Variants in LRRC7 observed in about 807,000 individuals in gnomAD.
LRRC7 encodes leucine-rich repeat-containing protein 7.
In LRRC7, 23 loss-of-function variants were observed where a neutral mutation model predicts 175.7. The observed-to-expected ratio is 0.13, with a 90% CI of 0.09 to 0.19. The LOEUF is 0.19. Among genes scored for constraint, LRRC7 ranks in the 10% least tolerant of loss-of-function variants. LRRC7 has a pLI of 1.00. For missense variants in LRRC7, 1,354 were observed against 1,904.7 expected (o/e 0.71, Z 5.38); for synonymous variants, 685 against 680.9 (o/e 1.01, Z -0.09).
At chr1:69,787,921 T>G (rs1674673468) in intron 3 of LRRC7, among the ~76,000 whole-genome samples, 1 of 152,024 alleles carries the variant, frequency 6.6e-6, no homozygotes, top group Non-Finnish European at 1.5e-5. Context: ...TTCATTCTTT[T>G]TCTTTTCTTT....
intron 8 of LRRC7, among the ~76,000 whole-genome samples, chr1:69,932,012 T>C (rs976094534): frequency 3.3e-5 from 5 of 152,238 alleles, no homozygotes; most frequent in Admixed American, 2.0e-4. Flanking sequence ...AAGTCACCAA[T>C]GGCATTCTGG....
intron 23 of LRRC7, among the ~76,000 whole-genome samples, chr1:70,057,457 G>A (rs1457721919): frequency 1.3e-5 from 2 of 152,200 alleles, no homozygotes. Context: ...GTCACGGAGT[G>A]AGCAGTTAGG....
chr1:69,845,354 C>A (rs769611096), intron 7 of LRRC7, among the ~76,000 whole-genome samples: 1 of 152,056 alleles, frequency 6.6e-6, no homozygotes, highest in Non-Finnish European at 1.5e-5. Flanking sequence ...TTTTTCCTAA[C>A]CTGAATGGCA....
At chr1:69,652,877 A>C (rs1656064570) in intron 1 of LRRC7, among the ~76,000 whole-genome samples, 1 of 152,128 alleles carries the variant, frequency 6.6e-6, no homozygotes, top group Admixed American at 6.6e-5. Flanking sequence ...AAGACTATTC[A>C]ATGGGGAAAG....
At chr1:69,730,052 C>T (rs1667400121) in intron 2 of LRRC7, among the ~76,000 whole-genome samples, 1 of 152,194 alleles carries the variant, frequency 6.6e-6, no homozygotes, top group African/African-American at 2.4e-5. Flanking sequence ...GTACCTTGGC[C>T]CCATTTAGCC....
rs1570787516 is a variant in LRRC7, at chr1:69,953,853, G to C, written c.711+22283G>C. On this transcript the variant is annotated intron_variant, in intron 8 of 26. Transcript: ENST00000651989. Reference sequence around the variant, plus strand: ...ACACTTGTAGAAATTCTGTTTCAGTGAGTTTGGTGCAGAGCTCAGGAACCT... The same window carrying C: ...ACACTTGTAGAAATTCTGTTTCAGTCAGTTTGGTGCAGAGCTCAGGAACCT... Among the ~76,000 whole-genome samples, 4 of 152,148 alleles carry C rather than the reference G, an allele frequency of 2.6e-5. No homozygotes were observed. In the South Asian group the frequency reaches 6.2e-4, roughly 24 times the overall value.
intron 2 of LRRC7, among the ~76,000 whole-genome samples, chr1:69,717,932 G>GAAGAA (rs1665753657): frequency 1.8e-4 from 2 of 11,418 alleles, no homozygotes; most frequent in Non-Finnish European, 4.4e-4. Flanking sequence ...AAAAAGAAAA[G>GAAGAA]AAAGAAAGAA....
intron 1 of LRRC7, among the ~76,000 whole-genome samples, chr1:69,655,743 T>G (rs548912884): frequency 5.3e-5 from 8 of 152,166 alleles, no homozygotes; most frequent in Non-Finnish European, 1.2e-4. Context: ...TGCAAGAAAT[T>G]TTATGGTTTG....
At chr1:70,051,508 T>C (rs602495) in intron 22 of LRRC7, among the ~76,000 whole-genome samples, 147,823 of 152,094 alleles carry the variant, frequency 0.97, 71,905 homozygotes, top group East Asian at 1. Flanking sequence ...ACTAGAAAAG[T>C]GATGCTGGAA....
intron 12 of LRRC7, 115 bp downstream of exon 12, chr1:70,012,041 G>C (rs1656560369): frequency 1.7e-6 from 1 of 598,120 alleles, no homozygotes; most frequent in Non-Finnish European, 2.8e-6. Flanking sequence ...AATATATATA[G>C]GAATTATCTA....
intron 1 of LRRC7, among the ~76,000 whole-genome samples, chr1:69,613,127 G>A (rs1649057781): frequency 6.6e-6 from 1 of 152,086 alleles, no homozygotes; most frequent in Admixed American, 6.6e-5. Flanking sequence ...AGACTATATG[G>A]CGTAGACAGC....
chr1:69,627,677 A>G (rs2100355680), intron 1 of LRRC7, among the ~76,000 whole-genome samples: 1 of 152,190 alleles, frequency 6.6e-6, no homozygotes, highest in East Asian at 1.9e-4. Flanking sequence ...GGTATTGCCT[A>G]GGTTTTCTTC....
chr1:69,750,461 A>G (rs1436745128), intron 2 of LRRC7, among the ~76,000 whole-genome samples: 1 of 152,214 alleles, frequency 6.6e-6, no homozygotes, highest in Admixed American at 6.5e-5. Flanking sequence ...GTATAATTAA[A>G]TTTTTAATTA....
At chr1:69,812,101 G>T (rs1677959846) in intron 4 of LRRC7, among the ~76,000 whole-genome samples, 1 of 152,092 alleles carries the variant, frequency 6.6e-6, no homozygotes, top group African/African-American at 2.4e-5. Flanking sequence ...TTACAATGAT[G>T]CTTTAAGGAT....
rs541334524 is a variant in LRRC7 at position 70,136,450 on chromosome 1, G to T, written c.*14563G>T. Among the ~76,000 whole-genome samples the T allele has an allele frequency of 5.3e-5, 8 of 152,072 alleles. No individual in the cohort carries two copies. The highest frequency in any genetic ancestry group is 1.9e-4 in the African/African-American group (8 of 41,490). ...AATTATTTAACTGTTAAAACAATTT[G>T]CCTTTTTCTCACTGTGCATTCAATT... On this transcript the variant is annotated 3_prime_UTR_variant, in exon 27 of 27. Transcript: ENST00000651989.
intron 7 of LRRC7, among the ~76,000 whole-genome samples, chr1:69,868,240 A>G (rs1306545842): frequency 6.6e-6 from 1 of 152,172 alleles, no homozygotes; most frequent in Non-Finnish European, 1.5e-5. Context: ...TAAAATTTCT[A>G]TTATTTAAAT....
intron 2 of LRRC7, among the ~76,000 whole-genome samples, chr1:69,723,329 TAACAGATGTCAATA>T (rs571710481): frequency 6.6e-6 from 1 of 152,280 alleles, no homozygotes; most frequent in South Asian, 2.1e-4. Flanking sequence ...ATTTCCTAGA[TAACAGATGTCAATA>T]AACGGAAAGC....
intron 7 of LRRC7, among the ~76,000 whole-genome samples, chr1:69,888,497 C>A (rs1209472773): frequency 6.6e-6 from 1 of 152,166 alleles, no homozygotes; most frequent in Non-Finnish European, 1.5e-5. Flanking sequence ...CGCGCACCCA[C>A]TGACCTGCAC....
At chr1:69,630,023 C>CT (rs1166159820) in intron 1 of LRRC7, among the ~76,000 whole-genome samples, 2 of 151,970 alleles carry the variant, frequency 1.3e-5, no homozygotes, top group Admixed American at 6.6e-5. Flanking sequence ...CACCTATCCT[C>CT]TTTTTTTCCC....
Sources: gnomAD v4.1 joint callset for allele counts (sites outside exome capture counted in the v4.1 genomes callset) on GRCh38, gnomAD v4.1.1 for gene constraint, MANE v1.5 for transcripts, NCBI Gene and HGNC (gene_info 2026-07-23, HGNC 2026-07-21) for gene names.